Variants in LOC128462377 observed in about 807,000 individuals in gnomAD.
chr16:89,334,127 G>A, the LOC128462377 span, among the ~76,000 whole-genome samples: 1 of 104,732 alleles, frequency 9.5e-6, no homozygotes, highest in African/African-American at 3.9e-5. Flanking sequence ...TGGGTAACAT[G>A]ATGAAACCCT....
the LOC128462377 span, chr16:89,361,393 G>A: frequency 1.6e-4 from 24 of 152,358 alleles, no homozygotes; most frequent in African/African-American, 5.1e-4. Context: ...ACAGACCACT[G>A]AGCATGAGCT....
the LOC128462377 span, among the ~76,000 whole-genome samples, chr16:89,384,879 C>CTTTTTTTTTTTTTCTTTTTTT: frequency 4.0e-5 from 2 of 49,942 alleles, no homozygotes; most frequent in African/African-American, 7.9e-5. Flanking sequence ...AAATAGTTTT[C>CTTTTTTTTTTTTTCTTTTTTT]TTTTTTTTTT....
chr16:89,347,420 T>C, the LOC128462377 span, among the ~76,000 whole-genome samples: 30 of 152,126 alleles, frequency 2.0e-4, no homozygotes, highest in African/African-American at 7.2e-4. Flanking sequence ...CCATCCTGGC[T>C]AGCACGGTGA....
the LOC128462377 span, among the ~76,000 whole-genome samples, chr16:89,377,773 T>C: frequency 6.6e-6 from 1 of 152,082 alleles, no homozygotes; most frequent in African/African-American, 2.4e-5. Flanking sequence ...ACTGTGACCA[T>C]ACAGGAACAT....
At chr16:89,325,506 G>A in the LOC128462377 span, among the ~76,000 whole-genome samples, 4 of 151,120 alleles carry the variant, frequency 2.6e-5, no homozygotes, top group Non-Finnish European at 5.9e-5. Flanking sequence ...GAGTAATAAT[G>A]TTGGGGACAA....
chr16:89,364,175 GCCCACGAGGACCCT>G, the LOC128462377 span, among the ~76,000 whole-genome samples: 2 of 152,190 alleles, frequency 1.3e-5, no homozygotes, highest in African/African-American at 4.8e-5. Flanking sequence ...GACTTGCTGG[GCCCACGAGGACCCT>G]GCCACTTCCA....
chr16:89,369,008 C>G, the LOC128462377 span, among the ~76,000 whole-genome samples: 9 of 152,218 alleles, frequency 5.9e-5, no homozygotes, highest in East Asian at 1.7e-3. Context: ...TGGGAGTCAA[C>G]CAAGATGTAA....
chr16:89,368,078 A>C, the LOC128462377 span, among the ~76,000 whole-genome samples: 1 of 152,232 alleles, frequency 6.6e-6, no homozygotes, highest in African/African-American at 2.4e-5. Context: ...AACCCTGTTT[A>C]TCTGATTTCT....
At chr16:89,417,011 T>A in the LOC128462377 span, among the ~76,000 whole-genome samples, 1 of 152,088 alleles carries the variant, frequency 6.6e-6, no homozygotes, top group Admixed American at 6.5e-5. Flanking sequence ...ACATGCCCAC[T>A]ACCCAGGCTG....
the LOC128462377 span, chr16:89,392,366 C>G: frequency 6.6e-6 from 1 of 152,312 alleles, no homozygotes; most frequent in Admixed American, 6.5e-5. Flanking sequence ...TCACAAGAAG[C>G]TAAAATTCAT....
chr16:89,339,397 C>G, the LOC128462377 span, among the ~76,000 whole-genome samples: 1 of 152,154 alleles, frequency 6.6e-6, no homozygotes, highest in African/African-American at 2.4e-5. Flanking sequence ...AAACCAAGAA[C>G]TGGGAAAGCT....
the LOC128462377 span, among the ~76,000 whole-genome samples, chr16:89,336,093 A>T: frequency 6.6e-6 from 1 of 152,218 alleles, no homozygotes; most frequent in Non-Finnish European, 1.5e-5. Context: ...TTAACTGTTA[A>T]TTTGCTGATC....
chr16:89,372,044 A>C, the LOC128462377 span, among the ~76,000 whole-genome samples: 1 of 152,228 alleles, frequency 6.6e-6, no homozygotes, highest in South Asian at 2.1e-4. Flanking sequence ...CTGAGCACTC[A>C]CACTGAAACC....
chr16:89,349,222 G>A, the LOC128462377 span, among the ~76,000 whole-genome samples: 6 of 139,414 alleles, frequency 4.3e-5, no homozygotes, highest in African/African-American at 1.1e-4. Context: ...TAAATAGAAT[G>A]ATGGAACAGA....
chr16:89,358,958 T>G, the LOC128462377 span, among the ~76,000 whole-genome samples: 1 of 152,156 alleles, frequency 6.6e-6, no homozygotes, highest in East Asian at 1.9e-4. Context: ...CCAGAGCAGC[T>G]GGGACCACAG....
the LOC128462377 span, among the ~76,000 whole-genome samples, chr16:89,319,225 C>T: frequency 5.9e-5 from 9 of 152,222 alleles, no homozygotes; most frequent in African/African-American, 1.4e-4. Flanking sequence ...GCAGACCCCA[C>T]GGCCTCCGGA....
the LOC128462377 span, among the ~76,000 whole-genome samples, chr16:89,339,061 G>C: frequency 6.6e-6 from 1 of 152,250 alleles, no homozygotes; most frequent in South Asian, 2.1e-4. Flanking sequence ...TCTAAACCAG[G>C]AGGACAGACG....
At chr16:89,364,007 C>T in the LOC128462377 span, among the ~76,000 whole-genome samples, 2 of 151,808 alleles carry the variant, frequency 1.3e-5, no homozygotes, top group Admixed American at 1.3e-4. Context: ...GTGTGGTGAG[C>T]TATCATTGTG....
the LOC128462377 span, among the ~76,000 whole-genome samples, chr16:89,361,273 G>A: frequency 1.3e-5 from 2 of 152,174 alleles, no homozygotes; most frequent in African/African-American, 2.4e-5. Flanking sequence ...AGCAGGAAAC[G>A]GGGTGACACA....
Sources: gnomAD v4.1 joint callset for allele counts (sites outside exome capture counted in the v4.1 genomes callset) on GRCh38, gnomAD v4.1.1 for gene constraint, MANE v1.5 for transcripts.